The following TMEM255B variants were observed in gnomAD, a reference collection of about 807,000 sequenced individuals.
TMEM255B encodes transmembrane protein 255B.
Under a neutral mutation model 34.5 loss-of-function variants are expected in TMEM255B, and 35 were observed. The ratio of observed to expected loss-of-function variants is 1.01; its 90% confidence interval spans 0.77 to 1.34. The LOEUF (loss-of-function observed/expected upper bound fraction) is 1.34. Ranked by LOEUF, TMEM255B falls within the 40% of genes most tolerant of loss-of-function variation. The probability of loss-of-function intolerance (pLI) is 0.00; values close to 1 mark genes in which losing one functional copy is unlikely to be tolerated. For missense variants in TMEM255B, 432 were observed against 433.2 expected, an observed-to-expected ratio of 1.00 and a Z score of 0.02; for synonymous variants, 206 against 201.2, an observed-to-expected ratio of 1.02 and a Z score of -0.20.
At chr13:113,779,250 T>C (rs963469945) in intron 3 of TMEM255B, among the ~76,000 whole-genome samples, 11 of 152,090 alleles carry the variant, frequency 7.2e-5, no homozygotes, top group Admixed American at 7.2e-4. Context: ...CTTAAAATGG[T>C]GGTGTTTGTC....
At chr13:113,803,798 C>G (rs555513638) in intron 7 of TMEM255B, among the ~76,000 whole-genome samples, 1 of 152,240 alleles carries the variant, frequency 6.6e-6, no homozygotes, top group East Asian at 1.9e-4. Context: ...CCCCTTCCCA[C>G]CTTCCAGTGC....
At chr13:113,795,355 G>T (rs117636092) in intron 4 of TMEM255B, 118 bp downstream of exon 4, 1 of 1,056,970 alleles carries the variant, frequency 9.5e-7, no homozygotes, top group Admixed American at 2.1e-5. Flanking sequence ...CAGTCTCCAC[G>T]CTGGGGGTTG....
chr13:113,801,898 G>A, intron 7 of TMEM255B, 86 bp downstream of exon 7: 2 of 1,416,834 alleles, frequency 1.4e-6, no homozygotes, highest in South Asian at 1.5e-5. Context: ...GGGGCCTCCA[G>A]CCCTCACTTT....
At chr13:113,760,139 C>T (rs1009959816) in intron 1 of TMEM255B, among the ~76,000 whole-genome samples, 1 of 152,162 alleles carries the variant, frequency 6.6e-6, no homozygotes, top group Non-Finnish European at 1.5e-5. Flanking sequence ...TCTGCCGCTC[C>T]CTCAGAAATA....
Position 113,802,200 on chromosome 13 carries a change from G to A in TMEM255B, c.669+388G>A, listed in dbSNP as rs373428541. The stretch of plus-strand genomic sequence containing the variant: ...TGATGCCTTAGCAAACCCCAGAGGC[G>A]AGACCCATACAGCCAGGATTGGCCT... On this transcript the variant is annotated intron_variant, in intron 7 of 8. Transcript: ENST00000375353. 4.6e-5 allele frequency among the ~76,000 whole-genome samples: 7 copies of A among 152,278 alleles called. No individual in the cohort carries two copies. In the East Asian group the frequency reaches 9.7e-4, roughly 21 times the overall value.
At chr13:113,766,033 G>A (rs1430190372) in intron 1 of TMEM255B, 82 bp from the exon 2 acceptor site, 14 of 1,573,978 alleles carry the variant, frequency 8.9e-6, no homozygotes, top group East Asian at 6.7e-5. Flanking sequence ...CCTGGGTAAC[G>A]GAGCACGGCC....
intron 8 of TMEM255B, among the ~76,000 whole-genome samples, chr13:113,808,165 G>A (rs1313489458): frequency 2.0e-5 from 3 of 152,184 alleles, no homozygotes; most frequent in Non-Finnish European, 4.4e-5. Flanking sequence ...GGTGTTCCAT[G>A]GAAGTCGTTA....
chr13:113,759,477 T>C (rs765465920), intron 1 of TMEM255B, among the ~76,000 whole-genome samples, 162 bp downstream of exon 1: 1 of 152,144 alleles, frequency 6.6e-6, no homozygotes, highest in Non-Finnish European at 1.5e-5. Flanking sequence ...TGGAACACTT[T>C]GCATTTCGCA....
chr13:113,813,095 G>A lies in TMEM255B; in HGVS notation c.*1192G>A, dbSNP rs1390482935. Reference sequence around the variant, plus strand: ...CAAAGTAGCCGAAGTCTCTTGAAAAGTGTTGGATGTGGGGAGAGGCTTTCT... The same window carrying A: ...CAAAGTAGCCGAAGTCTCTTGAAAAATGTTGGATGTGGGGAGAGGCTTTCT... On this transcript the variant is annotated 3_prime_UTR_variant, in exon 9 of 9. Transcript: ENST00000375353. 3 of 150,600 alleles carry A rather than the reference G, an allele frequency of 2.0e-5. No individual in the cohort carries two copies. Among genetic ancestry groups the A allele is most frequent in the African/African-American group, 7.3e-5 (3 of 40,970 alleles). The allele number at this position is 150,600 out of a possible 1,614,324, so 9.3% of individuals were successfully genotyped here. A position where few individuals can be genotyped will look rare whatever the true frequency, so the allele number is the denominator to read the frequency against.
intron 8 of TMEM255B, 98 bp downstream of exon 8, chr13:113,805,126 C>A: frequency 7.6e-7 from 1 of 1,320,650 alleles, no homozygotes; most frequent in Non-Finnish European, 9.9e-7. Context: ...GTCTTGCAGC[C>A]GCCTCACCTT....
intron 1 of TMEM255B, among the ~76,000 whole-genome samples, chr13:113,759,622 C>T (rs186222497): frequency 6.6e-6 from 1 of 152,166 alleles, no homozygotes. Flanking sequence ...ACTCTGTGTC[C>T]GTTCCTCTTG....
At chr13:113,811,200 A>T (rs543040583) in intron 8 of TMEM255B, among the ~76,000 whole-genome samples, 26 of 18,612 alleles carry the variant, frequency 1.4e-3, no homozygotes, top group African/African-American at 3.3e-3. Context: ...CCAGTGAGAG[A>T]GGTCCTGGAT....
chr13:113,761,324 C>T (rs1454250367), intron 1 of TMEM255B: 13 of 985,224 alleles, frequency 1.3e-5, no homozygotes, highest in Admixed American at 6.1e-5. Flanking sequence ...AAGAACCTGA[C>T]CTCCAGCCTC....
intron 3 of TMEM255B, among the ~76,000 whole-genome samples, chr13:113,775,356 G>A (rs751101646): frequency 5.3e-5 from 8 of 152,236 alleles, no homozygotes; most frequent in Non-Finnish European, 1.0e-4. Flanking sequence ...TCAGGGCCTC[G>A]CTGTCGTGGG....
At chr13:113,800,943 A>C (rs9577889) in intron 6 of TMEM255B, 31 bp downstream of exon 6, 1 of 1,390,272 alleles carries the variant, frequency 7.2e-7, no homozygotes, top group Non-Finnish European at 9.7e-7. Context: ...CCATATCTAC[A>C]CCTGCGGGAG....
intron 3 of TMEM255B, among the ~76,000 whole-genome samples, chr13:113,772,034 C>G (rs995632572): frequency 1.3e-5 from 2 of 152,178 alleles, no homozygotes; most frequent in Non-Finnish European, 2.9e-5. Context: ...TTGATTCTAG[C>G]CATCTAATGT....
At chr13:113,766,654 A>G (rs2050396970) in intron 2 of TMEM255B, among the ~76,000 whole-genome samples, 1 of 152,228 alleles carries the variant, frequency 6.6e-6, no homozygotes, top group Non-Finnish European at 1.5e-5. Context: ...AGCCTCCCCA[A>G]GCATCCTGGA....
rs2051175114 is a variant in TMEM255B, at chr13:113,806,510, C to G, written c.813+1482C>G. Among the ~76,000 whole-genome samples the G allele has an allele frequency of 6.6e-6, 1 of 152,168 alleles. No individual in the cohort carries two copies. Among genetic ancestry groups the G allele is most frequent in the Admixed American group, 6.5e-5 (1 of 15,286 alleles). ...GCTGGGGCCCTGCTCCCTGGGAACA[C>G]AAGGCCCCTGCTGGAGGTCTGGCCT... is the stretch of plus-strand genomic sequence containing the variant. On this transcript the variant is annotated intron_variant, in intron 8 of 8. Transcript: ENST00000375353. The surrounding 1 kb of genome is among the most constrained non-coding windows in gnomAD (Gnocchi z 4.2).
chr13:113,812,199 C>T lies in TMEM255B; in HGVS notation c.*296C>T, dbSNP rs1006627001. On this transcript the variant is annotated 3_prime_UTR_variant, in exon 9 of 9. Transcript: ENST00000375353. ...AGCAATTGTTCTGGTGTTTTCACAT[C>T]CCTTAATTAATTAGCTATTATTATG... The T allele has an allele frequency of 4.4e-6, 2 of 458,288 alleles. No individual in the cohort carries two copies. The highest frequency in any genetic ancestry group is 2.0e-5 in the African/African-American group (1 of 48,910). The allele number at this position is 458,288 out of a possible 1,614,324, so 28.4% of individuals were successfully genotyped here.
Sources: allele counts gnomAD v4.1 joint callset (sites outside exome capture counted in the v4.1 genomes callset), GRCh38; gene constraint gnomAD v4.1.1; non-coding constraint Gnocchi (gnomAD v3.1); transcripts MANE v1.5; gene names NCBI Gene and HGNC (gene_info 2026-07-23, HGNC 2026-07-21).